The following CRCP variants were observed in gnomAD, a reference collection of about 807,000 sequenced individuals.
CRCP encodes DNA-directed RNA polymerase III subunit RPC9.
CRCP carries 18 observed loss-of-function variants against 18.5 expected under a neutral mutation model. The ratio of observed to expected loss-of-function variants is 0.97; its 90% confidence interval spans 0.67 to 1.44. CRCP has a LOEUF of 1.44. CRCP is among the 40% of genes most tolerant of loss of function. The probability of loss-of-function intolerance (pLI) is 0.00; values close to 1 mark genes in which losing one functional copy is unlikely to be tolerated. For missense variants in CRCP, 130 were observed against 176.4 expected, an observed-to-expected ratio of 0.74 and a Z score of 1.49; for synonymous variants, 53 against 62.9, an observed-to-expected ratio of 0.84 and a Z score of 0.75.
At chr7:66,148,465 C>T (rs1278646706) in intron 5 of CRCP, among the ~76,000 whole-genome samples, 2 of 152,140 alleles carry the variant, frequency 1.3e-5, no homozygotes, top group Non-Finnish European at 2.9e-5. Context: ...CATTTTTTCT[C>T]CCTGGGTTCA....
chr7:66,131,679 A>C (rs1291664546), intron 3 of CRCP, among the ~76,000 whole-genome samples: 1 of 152,196 alleles, frequency 6.6e-6, no homozygotes, highest in Non-Finnish European at 1.5e-5. Flanking sequence ...TCTTCCTCAA[A>C]AGCCACAAAA....
intron 4 of CRCP, among the ~76,000 whole-genome samples, chr7:66,137,748 A>G (rs1260061969): frequency 6.6e-6 from 1 of 152,186 alleles, no homozygotes. Context: ...AGGGATCCCT[A>G]CTAGGTTACT....
intron 2 of CRCP, among the ~76,000 whole-genome samples, chr7:66,130,457 G>C (rs1178818360): frequency 1.3e-5 from 2 of 151,936 alleles, no homozygotes; most frequent in African/African-American, 4.8e-5. Flanking sequence ...CTTTCAAATA[G>C]TATATTTTTG....
chr7:66,145,433 C>G lies in CRCP; in HGVS notation c.240-10C>G, dbSNP rs1304966433. On this transcript the variant is annotated splice_polypyrimidine_tract_variant and intron_variant, in intron 4 of 5. Transcript: ENST00000395326. The stretch of plus-strand genomic sequence containing the variant: ...ATGCGAGTTGTCAACGCTGTACTTT[C>G]CCTCCACAGAGCTGAGAAGCTCCAG... The G allele has an allele frequency of 1.2e-6, 2 of 1,613,680 alleles. No individual in the cohort carries two copies. The highest frequency in any genetic ancestry group is 1.7e-6 in the Non-Finnish European group (2 of 1,179,734).
chr7:66,145,623 A>T, intron 5 of CRCP, 123 bp downstream of exon 5: 1 of 1,007,766 alleles, frequency 9.9e-7, no homozygotes, highest in East Asian at 2.5e-5. Flanking sequence ...TTTCTTAAGG[A>T]AAAAGAGACC....
rs67165211 is a variant in CRCP at position 66,133,541 on chromosome 7, C to CA, written c.145-722dup. On this transcript the variant is annotated intron_variant, in intron 3 of 5. Coordinates refer to ENST00000395326, the MANE Select transcript of CRCP (RefSeq NM_014478.5). ...CCTGGGTGACAGTGAGACTCCGTCTCAAAAAAAAAAAAAAAAAGAAAAAGT... is the reference window on the plus strand; with the variant it reads ...CCTGGGTGACAGTGAGACTCCGTCTCAAAAAAAAAAAAAAAAAAGAAAAAGT... 2.0e-3 allele frequency among the ~76,000 whole-genome samples: 145 copies of CA among 71,678 alleles called. 2 individuals carry two copies. The highest frequency in any genetic ancestry group is 6.5e-3 in the South Asian group (18 of 2,756). The allele number at this position is 71,678 out of a possible 152,430, so 47.0% of individuals were successfully genotyped here.
intron 4 of CRCP, among the ~76,000 whole-genome samples, chr7:66,140,348 C>T (rs912477841): frequency 8.5e-5 from 8 of 93,706 alleles, no homozygotes; most frequent in Non-Finnish European, 1.4e-4. Flanking sequence ...TTTTCAGAGT[C>T]GGGTATTTTT....
chr7:66,151,225 A>C (rs999128428), intron 5 of CRCP, among the ~76,000 whole-genome samples: 1 of 152,162 alleles, frequency 6.6e-6, no homozygotes, highest in Non-Finnish European at 1.5e-5. Context: ...GCTCCAAACC[A>C]TTTGGCACAT....
chr7:66,139,193 A>G (rs1338093432), intron 4 of CRCP, among the ~76,000 whole-genome samples: 4 of 152,174 alleles, frequency 2.6e-5, no homozygotes, highest in Admixed American at 6.5e-5. Flanking sequence ...CCTCAGGCTC[A>G]CTGCAGCCTC....
intron 1 of CRCP, 57 bp downstream of exon 1, chr7:66,115,027 G>A: frequency 6.3e-7 from 1 of 1,582,722 alleles, no homozygotes; most frequent in Admixed American, 1.7e-5. Context: ...TTTGACCGCT[G>A]AGAGCTGAGA....
chr7:66,115,225 A>G lies in CRCP; in HGVS notation c.8+255A>G, dbSNP rs543051469. Among the ~76,000 whole-genome samples, 9 of 152,170 alleles carry G rather than the reference A, an allele frequency of 5.9e-5. No individual in the cohort carries two copies. In the South Asian group the frequency reaches 6.2e-4, roughly 11 times the overall value. On this transcript the variant is annotated intron_variant, in intron 1 of 5. Transcript: ENST00000395326. Reference sequence around the variant, plus strand: ...CACTTCCGTGTCCGGCTGCCTTTCAATGTGCCCCCTCCTTCTCTCATTCGT... The same window carrying G: ...CACTTCCGTGTCCGGCTGCCTTTCAGTGTGCCCCCTCCTTCTCTCATTCGT...
At chr7:66,147,272 A>G (rs1470624194) in intron 5 of CRCP, among the ~76,000 whole-genome samples, 1 of 151,616 alleles carries the variant, frequency 6.6e-6, no homozygotes, top group Non-Finnish European at 1.5e-5. Context: ...CCGGGAGGCC[A>G]AGGTTGCAGT....
chr7:66,143,662 G>A (rs758261731), intron 4 of CRCP, among the ~76,000 whole-genome samples: 2 of 152,148 alleles, frequency 1.3e-5, no homozygotes, highest in East Asian at 1.9e-4. Flanking sequence ...AGAAACTATC[G>A]TGAGACAGAT....
rs751502627 is a variant in CRCP at position 66,152,378 on chromosome 7, C to T, written c.*21C>T. 9.3e-6 allele frequency: 15 copies of T among 1,612,236 alleles called. No homozygotes were observed. Among genetic ancestry groups the T allele is most frequent in the African/African-American group, 8.0e-5 (6 of 74,902 alleles). ...CATAGAAGAGCACAGCTGGCCCCGGCGTTTCATGAAGTCAGAAGGCCTGGC... is the reference window on the plus strand; with the variant it reads ...CATAGAAGAGCACAGCTGGCCCCGGTGTTTCATGAAGTCAGAAGGCCTGGC... On this transcript the variant is annotated 3_prime_UTR_variant, in exon 6 of 6. Coordinates refer to ENST00000395326, the MANE Select transcript of CRCP (RefSeq NM_014478.5).
intron 4 of CRCP, among the ~76,000 whole-genome samples, chr7:66,135,408 A>G (rs1332087379): frequency 1.3e-5 from 2 of 152,254 alleles, no homozygotes; most frequent in African/African-American, 4.8e-5. Context: ...GTGATAATGT[A>G]GAAATGGGGA....
intron 1 of CRCP, among the ~76,000 whole-genome samples, chr7:66,121,532 TC>T (rs1191979948): frequency 6.6e-6 from 1 of 151,582 alleles, no homozygotes; most frequent in African/African-American, 2.4e-5. Flanking sequence ...CAATCTCAGC[TC>T]ACTGCAATCT....
rs1233264128 is a variant in CRCP, at chr7:66,154,081, G to T, written c.*1724G>T. 1 of 151,750 alleles carries T rather than the reference G, an allele frequency of 6.6e-6. No homozygotes were observed. The highest frequency in any genetic ancestry group is 1.5e-5 in the Non-Finnish European group (1 of 68,020). 9.4% of individuals were successfully genotyped at this position (151,750 alleles called of 1,614,324 possible). The stretch of plus-strand genomic sequence containing the variant: ...CTCAAAAAAGAGAAAGTACCAGATT[G>T]TACTTTTAAATCTGTCTAGCGTATT... On this transcript the variant is annotated 3_prime_UTR_variant, in exon 6 of 6. Transcript: ENST00000395326.
At chr7:66,141,879 C>T (rs559444274) in intron 4 of CRCP, among the ~76,000 whole-genome samples, 15 of 152,258 alleles carry the variant, frequency 9.9e-5, no homozygotes, top group African/African-American at 3.1e-4. Context: ...CCCTTAATTC[C>T]ACCACCCCAG....
Position 66,152,224 on chromosome 7 carries a change from A to C in CRCP, c.314A>C (p.Glu105Ala). The change falls in exon 6 of 6, where the codon GAA becomes GCA. Residue 105 changes from glutamate (E) to alanine (A), a missense_variant. Glu to Ala is a moderately radical substitution (Grantham distance 107, BLOSUM62 -1). Transcript: ENST00000395326. ...CTTCTGCAGATGGTGGAAGAGAGTG[A>C]AGAGCGGCTCACGGAGGAGCAGATT... The part of the protein sequence containing the change: ...VEIQLMVEES[E>A]ERLTEEQIEA... 6.2e-7 allele frequency: 1 copy of C among 1,614,098 alleles called. No individual in the cohort carries two copies. The highest frequency in any genetic ancestry group is 8.5e-7 in the Non-Finnish European group (1 of 1,179,998).
Sources: gnomAD v4.1 joint callset for allele counts (sites outside exome capture counted in the v4.1 genomes callset) on GRCh38, gnomAD v4.1.1 for gene constraint, MANE v1.5 for transcripts, NCBI Gene and HGNC (gene_info 2026-07-23, HGNC 2026-07-21) for gene names.